CCDC7: variants seen among roughly 807,000 people sequenced by gnomAD.
CCDC7 encodes coiled-coil domain-containing protein 7.
In CCDC7, 183 loss-of-function variants were observed where a neutral mutation model predicts 196.9. The ratio of observed to expected loss-of-function variants is 0.93; its 90% CI spans 0.82 to 1.05. The LOEUF is 1.05. Ranked by LOEUF, CCDC7 falls within the 50% of genes least tolerant of loss-of-function variation. The probability of loss-of-function intolerance (pLI) is 0.00; values close to 1 mark genes in which losing one functional copy is unlikely to be tolerated. For synonymous variants in CCDC7, 525 were observed against 484.6 expected, an observed-to-expected ratio of 1.08 and a Z score of -1.10; for missense variants, 1,540 against 1,482.2, an observed-to-expected ratio of 1.04 and a Z score of -0.64.
chr10:32,583,344 C>T, intron 17 of CCDC7, 37 bp downstream of exon 18: 1 of 1,155,884 alleles, frequency 8.7e-7, no homozygotes, highest in Non-Finnish European at 1.1e-6. Context: ...CTGTTTATTT[C>T]ATATTGCTCC....
At chr10:32,501,510 T>C (rs1220767789) in intron 9 of CCDC7, among the ~76,000 whole-genome samples, 1 of 152,182 alleles carries the variant, frequency 6.6e-6, no homozygotes, top group Non-Finnish European at 1.5e-5. Context: ...CTCCCCATCT[T>C]TGTGGATTTA....
intron 11 of CCDC7, among the ~76,000 whole-genome samples, chr10:32,534,013 T>A (rs1409810311): frequency 6.6e-6 from 1 of 152,122 alleles, no homozygotes; most frequent in African/African-American, 2.4e-5. Context: ...TCCTCAGCTC[T>A]CTCTTGAACA....
intron 28 of CCDC7, among the ~76,000 whole-genome samples, chr10:32,775,121 C>G (rs1350495104): frequency 6.6e-6 from 1 of 152,004 alleles, no homozygotes; most frequent in Non-Finnish European, 1.5e-5. Flanking sequence ...TTCTTAGGAC[C>G]CTAAATATGA....
chr10:32,499,604 T>A (rs1279979954), intron 9 of CCDC7, among the ~76,000 whole-genome samples: 2 of 151,980 alleles, frequency 1.3e-5, no homozygotes, highest in Admixed American at 1.3e-4. Context: ...TTTTATTTTT[T>A]TATTTTTTTT....
chr10:32,583,976 G>A (rs1427270781), intron 17 of CCDC7, among the ~76,000 whole-genome samples: 1 of 151,884 alleles, frequency 6.6e-6, no homozygotes, highest in Non-Finnish European at 1.5e-5. Flanking sequence ...TATTTGCGAG[G>A]GAAAAATCAC....
chr10:32,636,805 C>T (rs1475494520), intron 20 of CCDC7, among the ~76,000 whole-genome samples: 1 of 152,246 alleles, frequency 6.6e-6, no homozygotes, highest in Non-Finnish European at 1.5e-5. Flanking sequence ...AATCGCCACA[C>T]AGACTTCCAC....
chr10:32,670,877 C>G (rs1414265831), intron 21 of CCDC7, among the ~76,000 whole-genome samples: 2 of 151,234 alleles, frequency 1.3e-5, no homozygotes, highest in Non-Finnish European at 2.9e-5. Context: ...GTTCTATTTT[C>G]CTTAGTTCCT....
chr10:32,783,165 G>T (rs565183957), intron 29 of CCDC7, among the ~76,000 whole-genome samples: 8 of 152,280 alleles, frequency 5.3e-5, no homozygotes, highest in African/African-American at 1.7e-4. Context: ...AGGTAAGTTG[G>T]ACTTCATCAA....
At chr10:32,508,879 C>T (rs969544680) in intron 9 of CCDC7, among the ~76,000 whole-genome samples, 17 of 151,296 alleles carry the variant, frequency 1.1e-4, no homozygotes, top group Admixed American at 3.3e-4. Flanking sequence ...GTGATCTTCC[C>T]GCCTTGGCCT....
At chr10:32,771,895 C>T (rs1481616628) in intron 28 of CCDC7, among the ~76,000 whole-genome samples, 1 of 152,184 alleles carries the variant, frequency 6.6e-6, no homozygotes, top group Non-Finnish European at 1.5e-5. Context: ...CCAGGAGATA[C>T]TGTAGTGGAT....
At chr10:32,493,944 T>G (rs986049498) in intron 9 of CCDC7, among the ~76,000 whole-genome samples, 1 of 152,318 alleles carries the variant, frequency 6.6e-6, no homozygotes, top group East Asian at 1.9e-4. Flanking sequence ...ATTAAACTCT[T>G]ATCAGATGTA....
intron 2 of CCDC7, among the ~76,000 whole-genome samples, chr10:32,455,818 A>G (rs1780368879): frequency 6.6e-6 from 1 of 152,222 alleles, no homozygotes; most frequent in Non-Finnish European, 1.5e-5. Flanking sequence ...TGTATTGCCC[A>G]TTAGGTGAGA....
intron 29 of CCDC7, among the ~76,000 whole-genome samples, chr10:32,785,574 A>T (rs1426640493): frequency 6.6e-6 from 1 of 152,190 alleles, no homozygotes; most frequent in African/African-American, 2.4e-5. Flanking sequence ...TAAAATCTGA[A>T]AACTAAAAGT....
At chr10:32,667,944 A>C (rs556570888) in intron 21 of CCDC7, among the ~76,000 whole-genome samples, 30 of 152,158 alleles carry the variant, frequency 2.0e-4, no homozygotes, top group South Asian at 1.0e-3. Flanking sequence ...CATTGAATCT[A>C]TAAATTACCT....
intron 11 of CCDC7, among the ~76,000 whole-genome samples, chr10:32,535,710 G>A (rs758917928): frequency 2.0e-4 from 30 of 152,160 alleles, no homozygotes; most frequent in Non-Finnish European, 4.3e-4. Context: ...TTCCTGTTTA[G>A]ACCTTTAAGA....
At chr10:32,778,167 G>A (rs2080422312) in intron 28 of CCDC7, among the ~76,000 whole-genome samples, 1 of 152,140 alleles carries the variant, frequency 6.6e-6, no homozygotes, top group African/African-American at 2.4e-5. Flanking sequence ...TCCTTTTGCT[G>A]TGCAAAATAT....
intron 28 of CCDC7, among the ~76,000 whole-genome samples, chr10:32,744,388 A>AG (rs59534256): frequency 1.3e-5 from 2 of 151,616 alleles, no homozygotes; most frequent in Non-Finnish European, 2.9e-5. Flanking sequence ...AAAAAAAAAA[A>AG]GAAACAGCCA....
chr10:32,587,903 A>G (rs896222714), intron 18 of CCDC7, among the ~76,000 whole-genome samples: 1 of 152,226 alleles, frequency 6.6e-6, no homozygotes, highest in Admixed American at 6.5e-5. Flanking sequence ...CTAAAAGTTC[A>G]TGTGCTGGAA....
At chr10:32,563,843 T>C (rs990826730) in intron 13 of CCDC7, among the ~76,000 whole-genome samples, 1 of 151,556 alleles carries the variant, frequency 6.6e-6, no homozygotes, top group Non-Finnish European at 1.5e-5. Flanking sequence ...CAAAAGAAAC[T>C]ACCATCAGAG....
Sources: gnomAD v4.1 joint callset for allele counts (sites outside exome capture counted in the v4.1 genomes callset) on GRCh38, gnomAD v4.1.1 for gene constraint, MANE v1.5 for transcripts, NCBI Gene and HGNC (gene_info 2026-07-23, HGNC 2026-07-21) for gene names.